Variants in DMD observed in about 807,000 individuals in gnomAD.
DMD encodes mutant dystrophin.
A neutral mutation model predicts 330.1 loss-of-function variants in DMD; 63 were observed. The observed-to-expected ratio is 0.19, with a 90% CI of 0.16 to 0.24. The LOEUF is 0.24. Ranked by LOEUF, DMD falls within the 10% of genes least tolerant of loss-of-function variation. The probability of loss-of-function intolerance (pLI) is 1.00; values close to 1 mark genes in which losing one functional copy is unlikely to be tolerated. For synonymous variants in DMD, 1,223 were observed against 959.8 expected (o/e 1.27, Z -5.07); for missense variants, 3,344 against 2,684.1 (o/e 1.25, Z -5.43).
At chrX:31,462,370 C>T (rs190402467) in intron 59 of DMD, among the ~76,000 whole-genome samples, 1 of 111,470 alleles carries the variant, frequency 9.0e-6, no homozygotes, top group Non-Finnish European at 1.9e-5. Flanking sequence ...ATCCCAGCTA[C>T]TCAGGAGGCT....
chrX:33,236,171 C>T (rs2052477431), intron 1 of DMD, among the ~76,000 whole-genome samples: 1 of 108,686 alleles, frequency 9.2e-6, no homozygotes, highest in African/African-American at 3.4e-5. Flanking sequence ...CCGCCTCGGC[C>T]TCCCAAAGTG....
intron 44 of DMD, among the ~76,000 whole-genome samples, chrX:32,123,506 G>A (rs1319923124): frequency 9.2e-6 from 1 of 109,241 alleles, no homozygotes; most frequent in Non-Finnish European, 1.9e-5. Flanking sequence ...AAATGAATGT[G>A]TCAGGAAAAA....
At chrX:32,271,346 T>C (rs1310154040) in intron 43 of DMD, among the ~76,000 whole-genome samples, 2 of 112,505 alleles carry the variant, frequency 1.8e-5, no homozygotes, top group African/African-American at 6.4e-5. Flanking sequence ...TATCTAGCCA[T>C]ACTAGGAAAC....
chrX:32,506,688 C>G, intron 18 of DMD, among the ~76,000 whole-genome samples: 2 of 111,688 alleles, frequency 1.8e-5, no homozygotes, highest in Middle Eastern at 9.3e-3. Context: ...TTTTTAATAT[C>G]TTACATTCCA....
At chrX:31,498,164 A>G (rs944406730) in intron 56 of DMD, among the ~76,000 whole-genome samples, 1 of 112,138 alleles carries the variant, frequency 8.9e-6, no homozygotes, top group Non-Finnish European at 1.9e-5. Context: ...AGGAAATTAT[A>G]CTAACAAAGA....
At chrX:32,459,752 AAGT>A (rs1267629789) in intron 25 of DMD, among the ~76,000 whole-genome samples, 1 of 111,209 alleles carries the variant, frequency 9.0e-6, no homozygotes, top group Non-Finnish European at 1.9e-5. Context: ...CTCCTTCAGC[AAGT>A]ACTGCCAGAT....
intron 56 of DMD, among the ~76,000 whole-genome samples, chrX:31,499,316 A>C (rs1282710650): frequency 1.8e-5 from 2 of 110,598 alleles, no homozygotes; most frequent in Non-Finnish European, 3.8e-5. Context: ...AGGAGGATAT[A>C]GTGAAGGGCA....
intron 30 of DMD, among the ~76,000 whole-genome samples, chrX:32,409,454 G>C (rs1057286479): frequency 9.0e-6 from 1 of 110,994 alleles, no homozygotes; most frequent in African/African-American, 3.3e-5. Context: ...AAAATATTTT[G>C]CTATTAAAAA....
At chrX:33,250,021 T>A (rs1213443862) in intron 1 of DMD, among the ~76,000 whole-genome samples, 1 of 105,183 alleles carries the variant, frequency 9.5e-6, no homozygotes, top group African/African-American at 3.6e-5. Context: ...ATCGATATTG[T>A]TTTGTGTTGT....
chrX:31,222,509 A>G (rs745777095), intron 64 of DMD, among the ~76,000 whole-genome samples: 2 of 110,773 alleles, frequency 1.8e-5, no homozygotes, highest in South Asian at 7.8e-4. Context: ...TACATAAACT[A>G]TTTGATGACA....
chrX:31,761,781 A>C (rs2089612066), intron 51 of DMD, among the ~76,000 whole-genome samples: 2 of 112,252 alleles, frequency 1.8e-5, no homozygotes, highest in Admixed American at 1.9e-4. Context: ...TGATTTCTGA[A>C]ACAAATTTAA....
chrX:31,728,450 C>T (rs1047765202), intron 52 of DMD, among the ~76,000 whole-genome samples: 3 of 112,408 alleles, frequency 2.7e-5, no homozygotes, highest in Non-Finnish European at 3.8e-5. Context: ...CATGTGCACA[C>T]ACCATCTAAT....
At chrX:31,982,655 T>G (rs1207634106) in intron 44 of DMD, among the ~76,000 whole-genome samples, 1 of 111,059 alleles carries the variant, frequency 9.0e-6, no homozygotes, top group Admixed American at 9.6e-5. Context: ...TGATATAATC[T>G]TACCAAAACA....
intron 55 of DMD, among the ~76,000 whole-genome samples, chrX:31,586,228 T>TA (rs2076599959): frequency 8.9e-6 from 1 of 112,428 alleles, no homozygotes; most frequent in Admixed American, 9.4e-5. Flanking sequence ...ATTAAAAACG[T>TA]AGAATTCAAG....
chrX:32,636,479 T>G (rs748873398), intron 11 of DMD, among the ~76,000 whole-genome samples: 1 of 112,303 alleles, frequency 8.9e-6, no homozygotes, highest in Admixed American at 9.4e-5. Context: ...GAAATAGTAT[T>G]GTTTTTATAC....
Position 32,386,371 on chromosome X carries a change from G to A in DMD, c.4613C>T (p.Pro1538Leu), listed in dbSNP as rs1040362862. Residue 1538 changes from proline to leucine, a missense_variant, in exon 33 of 79, where the codon CCC becomes CTC. Transcript: ENST00000357033. ...QIVQKKQTEN[P>L]KELDERVTAL... The stretch of plus-strand genomic sequence containing the variant: ...TGTTACTCTTTCATCAAGTTCTTTG[G>A]GATTTTCCGTCTGCTTTTTCTGTAC... 72 of 1,206,690 alleles carry A rather than the reference G, an allele frequency of 6.0e-5. No individual in the cohort carries two copies. Among genetic ancestry groups the A allele is most frequent in the Non-Finnish European group, 7.7e-5 (69 of 893,196 alleles).
chrX:32,688,486 T>C (rs1258285819), intron 9 of DMD, among the ~76,000 whole-genome samples: 2 of 112,253 alleles, frequency 1.8e-5, no homozygotes, highest in African/African-American at 3.2e-5. Context: ...ATCCACGTTG[T>C]TGTAAATATT....
At chrX:31,329,539 C>T (rs2056978313) in intron 61 of DMD, among the ~76,000 whole-genome samples, 1 of 111,571 alleles carries the variant, frequency 9.0e-6, no homozygotes, top group Non-Finnish European at 1.9e-5. Flanking sequence ...GAAGACAGGG[C>T]AGGGGAAACG....
rs188218489 is a variant in DMD, at chrX:32,425,040, C to A, written c.4072-13127G>T. On this transcript the variant is annotated intron_variant, in intron 29 of 78. Transcript: ENST00000357033. Reference sequence around the variant, plus strand: ...AATAAAATTATTTTGCAGAAAATTACGGGAGAAAGTCAGATAACTGATTAT... The same window carrying A: ...AATAAAATTATTTTGCAGAAAATTAAGGGAGAAAGTCAGATAACTGATTAT... Among the ~76,000 whole-genome samples, 33 of 111,654 alleles carry A rather than the reference C, an allele frequency of 3.0e-4. No homozygotes were observed. The East Asian group carries it at 8.1e-3, about 28-fold the overall frequency.
Sources: gnomAD v4.1 joint callset for allele counts (sites outside exome capture counted in the v4.1 genomes callset) on GRCh38, gnomAD v4.1.1 for gene constraint, MANE v1.5 for transcripts, NCBI Gene and HGNC (gene_info 2026-07-23, HGNC 2026-07-21) for gene names.